Variants in IL1RAPL1 observed in about 807,000 individuals in gnomAD.
IL1RAPL1 encodes interleukin 1 receptor accessory protein like 1.
Under a neutral mutation model 48.4 loss-of-function variants are expected in IL1RAPL1, and 3 were observed. The observed-to-expected ratio is 0.06, with a 90% CI of 0.03 to 0.16. The LOEUF (loss-of-function observed/expected upper bound fraction) is 0.16. IL1RAPL1 is among the 10% of genes least tolerant of loss of function. The probability of loss-of-function intolerance (pLI) is 1.00; values close to 1 mark genes in which losing one functional copy is unlikely to be tolerated. For missense variants in IL1RAPL1, 349 were observed against 530.6 expected, an observed-to-expected ratio of 0.66 and a Z score of 3.36; for synonymous variants, 185 against 187.7, an observed-to-expected ratio of 0.99 and a Z score of 0.12.
intron 5 of IL1RAPL1, among the ~76,000 whole-genome samples, chrX:29,489,581 A>AT (rs1353022016): frequency 3.6e-5 from 4 of 111,846 alleles, no homozygotes; most frequent in African/African-American, 1.3e-4. Flanking sequence ...CAAGTAATAC[A>AT]TTTTTTCTTC....
In IL1RAPL1 at chrX:29,576,760, T is replaced by C. The variant is rs927964087; in HGVS notation, c.704-91670T>C. Among the ~76,000 whole-genome samples, 6 of 111,431 alleles carry C rather than the reference T, an allele frequency of 5.4e-5. No individual in the cohort carries two copies. The Admixed American group carries it at 5.7e-4, about 11-fold the overall frequency. ...TTAGGAGAATGAGTTTCATATATAC[T>C]CGAGATGAAAGAAAAATTCCCTTTG... On this transcript the variant is annotated intron_variant, in intron 5 of 10. Transcript: ENST00000378993.
chrX:28,725,142 AG>A (rs1283190256), intron 1 of IL1RAPL1, among the ~76,000 whole-genome samples: 1 of 109,039 alleles, frequency 9.2e-6, no homozygotes, highest in Non-Finnish European at 1.9e-5. Context: ...AGTAGAGACG[AG>A]GTTTCACCGT....
chrX:29,743,163 G>T, intron 6 of IL1RAPL1, among the ~76,000 whole-genome samples: 1 of 106,854 alleles, frequency 9.4e-6, no homozygotes, highest in African/African-American at 3.4e-5. Context: ...TTAATATAAT[G>T]TATTTATATT....
chrX:28,636,233 A>G (rs1303995172), intron 1 of IL1RAPL1, among the ~76,000 whole-genome samples: 1 of 111,537 alleles, frequency 9.0e-6, no homozygotes, highest in African/African-American at 3.3e-5. Flanking sequence ...AATCCCAAAT[A>G]AGTTTACTCA....
At chrX:29,766,340 A>ATAT (rs1414641092) in intron 6 of IL1RAPL1, among the ~76,000 whole-genome samples, 16 of 76,334 alleles carry the variant, frequency 2.1e-4, no homozygotes, top group African/African-American at 1.0e-3. Flanking sequence ...AAAAAAAAAA[A>ATAT]AAATATATAT....
At chrX:28,981,905 G>C (rs1209885931) in intron 2 of IL1RAPL1, among the ~76,000 whole-genome samples, 1 of 111,214 alleles carries the variant, frequency 9.0e-6, no homozygotes, top group Non-Finnish European at 1.9e-5. Context: ...CTGCCTCACT[G>C]TTCATACCCC....
At chrX:29,221,755 G>C (rs994843434) in intron 2 of IL1RAPL1, among the ~76,000 whole-genome samples, 6 of 109,974 alleles carry the variant, frequency 5.5e-5, no homozygotes, top group African/African-American at 2.0e-4. Context: ...GCTCACGCCC[G>C]TAATGCCAGC....
chrX:29,906,887 T>G (rs1485204479), intron 6 of IL1RAPL1, among the ~76,000 whole-genome samples: 1 of 110,390 alleles, frequency 9.1e-6, no homozygotes, highest in Non-Finnish European at 1.9e-5. Context: ...AGGTAAATTT[T>G]TTGACAATAA....
chrX:28,737,201 CTTTCTCTT>C (rs1370889522), intron 1 of IL1RAPL1, among the ~76,000 whole-genome samples: 141 of 62,696 alleles, frequency 2.2e-3, no homozygotes, highest in African/African-American at 8.4e-3. Flanking sequence ...CTCTTTCTTT[CTTTCTCTT>C]TCTTTCTTTC....
At chrX:28,894,791 A>G (rs1169813736) in intron 2 of IL1RAPL1, among the ~76,000 whole-genome samples, 3 of 111,398 alleles carry the variant, frequency 2.7e-5, no homozygotes, top group Admixed American at 9.5e-5. Flanking sequence ...GCTCTTGTGT[A>G]AGAATTCTGA....
At position 29,468,857 on chromosome X, in the gene IL1RAPL1, A is replaced by G. The variant is rs1027118486; in HGVS notation, c.703+69549A>G. ...AATGAGAACTGCTCAGTTTAAATGG[A>G]CTTCCCTAAGCTTCCATCAGGGGTT... On this transcript the variant is annotated intron_variant, in intron 5 of 10. Coordinates refer to ENST00000378993, the MANE Select transcript of IL1RAPL1 (RefSeq NM_014271.4). Among the ~76,000 whole-genome samples the G allele has an allele frequency of 2.7e-5, 3 of 111,709 alleles. No individual in the cohort carries two copies. In the East Asian group the frequency reaches 8.4e-4, roughly 31 times the overall value.
rs756176371 is a variant in IL1RAPL1 at position 29,246,105 on chromosome X, C to G, written c.83-36833C>G. ...ATCTACTGGTGCTTTTGTGTAGATA[C>G]AAGATGCAAGTCAAGAATCAGATTT... On this transcript the variant is annotated intron_variant, in intron 2 of 10. Transcript: ENST00000378993. 6.0e-5 allele frequency among the ~76,000 whole-genome samples: 6 copies of G among 100,468 alleles called. No individual in the cohort carries two copies. In the East Asian group the frequency reaches 2.0e-3, roughly 33 times the overall value. The allele number at this position is 100,468 out of a possible 115,157, so 87.2% of individuals were successfully genotyped here. A position where few individuals can be genotyped will look rare whatever the true frequency, so the allele number is the denominator to read the frequency against.
chrX:28,823,434 G>A (rs996233615), intron 2 of IL1RAPL1, among the ~76,000 whole-genome samples: 2 of 110,951 alleles, frequency 1.8e-5, no homozygotes, highest in Admixed American at 1.9e-4. Flanking sequence ...CTTGCCTTCC[G>A]ATTTTTCTGA....
At chrX:29,856,418 T>C (rs1277856034) in intron 6 of IL1RAPL1, among the ~76,000 whole-genome samples, 1 of 111,959 alleles carries the variant, frequency 8.9e-6, no homozygotes, top group Non-Finnish European at 1.9e-5. Flanking sequence ...TATATATGCA[T>C]CATGTATTAC....
chrX:29,948,106 T>G (rs1933247509), intron 9 of IL1RAPL1, among the ~76,000 whole-genome samples: 1 of 111,439 alleles, frequency 9.0e-6, no homozygotes, highest in Non-Finnish European at 1.9e-5. Flanking sequence ...CATTTAATTT[T>G]AGACATCTTC....
At chrX:29,930,654 A>G (rs1361655879) in intron 8 of IL1RAPL1, among the ~76,000 whole-genome samples, 1 of 111,991 alleles carries the variant, frequency 8.9e-6, no homozygotes, top group African/African-American at 3.2e-5. Context: ...AAAGTGAGAA[A>G]ATAAATCTAT....
chrX:29,755,327 T>C (rs1928584818), intron 6 of IL1RAPL1, among the ~76,000 whole-genome samples: 1 of 111,922 alleles, frequency 8.9e-6, no homozygotes. Context: ...AGGCTGGGAT[T>C]ATGAGGAGCC....
intron 6 of IL1RAPL1, among the ~76,000 whole-genome samples, chrX:29,824,256 T>G (rs1440121225): frequency 2.7e-5 from 3 of 111,331 alleles, no homozygotes; most frequent in Non-Finnish European, 3.8e-5. Context: ...TTCCTGACTT[T>G]AAGTAGCAGT....
chrX:29,894,757 G>A (rs1932343601), intron 6 of IL1RAPL1, among the ~76,000 whole-genome samples: 1 of 110,351 alleles, frequency 9.1e-6, no homozygotes, highest in Non-Finnish European at 1.9e-5. Context: ...ATTTTAAATG[G>A]CCTTAAAATT....
Sources: gnomAD v4.1 joint callset for allele counts (sites outside exome capture counted in the v4.1 genomes callset) on GRCh38, gnomAD v4.1.1 for gene constraint, MANE v1.5 for transcripts, NCBI Gene and HGNC (gene_info 2026-07-23, HGNC 2026-07-21) for gene names.